PPP4R3A: variants seen among roughly 807,000 people sequenced by gnomAD.
The protein encoded by PPP4R3A is protein phosphatase 4 regulatory subunit 3A, also known as serine/threonine-protein phosphatase 4 regulatory subunit 3A.
Under a neutral mutation model 91.7 loss-of-function variants are expected in PPP4R3A, and 15 were observed. That is an observed-to-expected ratio of 0.16 (90% CI 0.11 to 0.25). The LOEUF is 0.25. Ranked by LOEUF, PPP4R3A falls within the 10% of genes least tolerant of loss-of-function variation. The pLI is 1.00. For missense variants in PPP4R3A, 623 were observed against 998.4 expected (o/e 0.62, Z 5.07); for synonymous variants, 377 against 348.7 (o/e 1.08, Z -0.91).
Position 91,482,011 on chromosome 14 carries a change from A to G in PPP4R3A, c.480T>C (p.Leu160=). 6.2e-7 allele frequency: 1 copy of G among 1,614,084 alleles called. No individual in the cohort carries two copies. The highest frequency in any genetic ancestry group is 8.5e-7 in the Non-Finnish European group (1 of 1,180,026). ...SLPSPLRREK[L]ALALENEGYI... Reference sequence around the variant, plus strand: ...AACCCTCATTTTCTAGTGCCAGTGCAAGTTTTTCACGACGAAGAGGTGAAG... The same window carrying G: ...AACCCTCATTTTCTAGTGCCAGTGCGAGTTTTTCACGACGAAGAGGTGAAG... The change falls in exon 4 of 15, where the codon CTT becomes CTC. Residue 160 remains leucine (L), a synonymous_variant. Coordinates refer to ENST00000554943, the MANE Select transcript of PPP4R3A (RefSeq NM_001366432.2).
At chr14:91,503,895 T>A (rs1406427170) in intron 1 of PPP4R3A, among the ~76,000 whole-genome samples, 5 of 152,152 alleles carry the variant, frequency 3.3e-5, no homozygotes, top group African/African-American at 1.2e-4. Flanking sequence ...ACTTTGCAGG[T>A]ATACGGCTAT....
rs758338662 is a variant in PPP4R3A at position 91,476,912 on chromosome 14, T to C, written c.990A>G (p.Glu330=). 1.3e-6 allele frequency: 2 copies of C among 1,591,282 alleles called. No individual in the cohort carries two copies. The highest frequency in any genetic ancestry group is 2.3e-5 in the South Asian group (2 of 87,978). Residue 330 remains glutamate, a synonymous_variant, in exon 5 of 15, where the codon GAA becomes GAG. Coordinates refer to ENST00000554943, the MANE Select transcript of PPP4R3A (RefSeq NM_001366432.2). ...TTCATAGTATCTAATTTCTTACCAA[T>C]TCCTGTCTTTTTTCCTCATCTGTTG... is the stretch of plus-strand genomic sequence containing the variant. ...DEATDEEKRQ[E]LVNFLKEFCA...
chr14:91,493,279 T>C (rs1890337627), intron 1 of PPP4R3A, among the ~76,000 whole-genome samples: 1 of 147,664 alleles, frequency 6.8e-6, no homozygotes, highest in African/African-American at 2.6e-5. Flanking sequence ...ATTGCATCAC[T>C]GCAATCCAGC....
intron 13 of PPP4R3A, 37 bp from the exon 14 acceptor site, chr14:91,461,644 ACTT>A: frequency 1.9e-6 from 3 of 1,582,200 alleles, no homozygotes; most frequent in Non-Finnish European, 2.6e-6. Flanking sequence ...CGTCCCCCAT[ACTT>A]CTTTTTTAAA....
chr14:91,510,040 C>A lies in PPP4R3A; in HGVS notation c.-393G>T. 1.6e-6 allele frequency: 1 copy of A among 642,484 alleles called. No individual in the cohort carries two copies. The highest frequency in any genetic ancestry group is 1.9e-6 in the Non-Finnish European group (1 of 514,520). The allele number at this position is 642,484 out of a possible 1,614,324, so 39.8% of individuals were successfully genotyped here. ...CCGCGCCGCCGCCGCCTCCTCAGGC[C>A]GCCGCCGCCGCCGCCATATTTTCCT... On this transcript the variant is annotated 5_prime_UTR_variant, in exon 1 of 15. Transcript: ENST00000554943.
rs1887890905 is a variant in PPP4R3A at position 91,458,242 on chromosome 14, CT to C, written c.*516del. On this transcript the variant is annotated 3_prime_UTR_variant, in exon 15 of 15. Transcript: ENST00000554943. ...AGGGAACAGTTAAAAAAGAGGAAAA[CT>C]TTATACTCGCCCCTCCCCCACAGAG... The C allele has an allele frequency of 6.4e-6, 1 of 155,152 alleles. No homozygotes were observed. The highest frequency in any genetic ancestry group is 6.4e-5 in the Admixed American group (1 of 15,668). 9.6% of individuals were successfully genotyped at this position (155,152 alleles called of 1,614,324 possible).
intron 1 of PPP4R3A, among the ~76,000 whole-genome samples, chr14:91,500,020 G>T (rs762106041): frequency 4.6e-5 from 7 of 151,986 alleles, no homozygotes; most frequent in Non-Finnish European, 8.8e-5. Flanking sequence ...ACATTACAGA[G>T]AACTCAGCAA....
chr14:91,460,293 G>C (rs544201982), intron 14 of PPP4R3A, among the ~76,000 whole-genome samples: 2 of 152,212 alleles, frequency 1.3e-5, no homozygotes, highest in East Asian at 1.9e-4. Context: ...GATTACGGGC[G>C]TAAGCCACCG....
At chr14:91,484,931 A>C (rs1282023191) in intron 3 of PPP4R3A, among the ~76,000 whole-genome samples, 1 of 152,226 alleles carries the variant, frequency 6.6e-6, no homozygotes, top group East Asian at 1.9e-4. Flanking sequence ...GTCACTAGGG[A>C]AACTCCAGAA....
intron 1 of PPP4R3A, among the ~76,000 whole-genome samples, chr14:91,495,302 ATGTGTG>A (rs60663799): frequency 2.1e-5 from 3 of 140,870 alleles, no homozygotes; most frequent in South Asian, 2.4e-4. Context: ...CAGATACATA[ATGTGTG>A]TGTGTGTGTG....
chr14:91,500,113 GA>G (rs1890847595), intron 1 of PPP4R3A, among the ~76,000 whole-genome samples: 1 of 152,098 alleles, frequency 6.6e-6, no homozygotes, highest in African/African-American at 2.4e-5. Context: ...TTATAGTTAA[GA>G]AAAAAATAAT....
chr14:91,507,321 CAAA>C (rs1183658177), intron 1 of PPP4R3A, among the ~76,000 whole-genome samples: 1 of 131,530 alleles, frequency 7.6e-6, no homozygotes, highest in Non-Finnish European at 1.6e-5. Context: ...AACCCAATCT[CAAA>C]AAAAAAATCT....
intron 11 of PPP4R3A, among the ~76,000 whole-genome samples, 187 bp downstream of exon 11, chr14:91,465,063 A>C (rs890936916): frequency 6.6e-6 from 1 of 152,014 alleles, no homozygotes; most frequent in African/African-American, 2.4e-5. Flanking sequence ...GACCCCTGCT[A>C]TAACAGATTT....
intron 14 of PPP4R3A, 62 bp downstream of exon 14, chr14:91,461,319 A>C: frequency 6.7e-7 from 1 of 1,488,910 alleles, no homozygotes; most frequent in South Asian, 1.2e-5. Flanking sequence ...TCTTAGTCAA[A>C]ATTATTGTTG....
intron 1 of PPP4R3A, among the ~76,000 whole-genome samples, chr14:91,502,050 C>T (rs1166059952): frequency 6.6e-6 from 1 of 151,926 alleles, no homozygotes; most frequent in Non-Finnish European, 1.5e-5. Flanking sequence ...AAACCCGTAA[C>T]AGGTATGTGC....
intron 1 of PPP4R3A, among the ~76,000 whole-genome samples, chr14:91,504,325 T>TAAAAA (rs35776205): frequency 2.6e-5 from 3 of 115,016 alleles, no homozygotes; most frequent in Middle Eastern, 4.3e-3. Flanking sequence ...TCTTAAAAAT[T>TAAAAA]AAAAAAAAAA....
chr14:91,468,411 G>T (rs558051752), intron 10 of PPP4R3A, among the ~76,000 whole-genome samples: 1 of 152,014 alleles, frequency 6.6e-6, no homozygotes, highest in Non-Finnish European at 1.5e-5. Context: ...CATGGCTCAC[G>T]CCTGAATCCC....
At chr14:91,501,943 C>T (rs572777775) in intron 1 of PPP4R3A, among the ~76,000 whole-genome samples, 3 of 141,750 alleles carry the variant, frequency 2.1e-5, no homozygotes, top group Non-Finnish European at 3.0e-5. Context: ...AGGATGGTCT[C>T]GATCTCTTGA....
chr14:91,489,860 T>G (rs1393691907), intron 2 of PPP4R3A, among the ~76,000 whole-genome samples: 1 of 152,214 alleles, frequency 6.6e-6, no homozygotes, highest in Non-Finnish European at 1.5e-5. Flanking sequence ...ACTAAATATA[T>G]TTAGGAGTTG....
Sources: gnomAD v4.1 joint callset for allele counts (sites outside exome capture counted in the v4.1 genomes callset) on GRCh38, gnomAD v4.1.1 for gene constraint, MANE v1.5 for transcripts, NCBI Gene and HGNC (gene_info 2026-07-23, HGNC 2026-07-21) for gene names.